Variants in SNTB1 observed in about 807,000 individuals in gnomAD.
SNTB1 encodes the protein beta-1-syntrophin.
Under a neutral mutation model 48.9 loss-of-function variants are expected in SNTB1, and 36 were observed. That is an observed-to-expected ratio of 0.74 (90% CI 0.56 to 0.97). SNTB1 has a LOEUF of 0.97. SNTB1 is among the 50% of genes least tolerant of loss of function. SNTB1 has a pLI of 0.00. For missense variants in SNTB1, 786 were observed against 703.4 expected (o/e 1.12, Z -1.33); for synonymous variants, 299 against 294.6 (o/e 1.01, Z -0.15).
intron 1 of SNTB1, among the ~76,000 whole-genome samples, chr8:120,784,176 T>C (rs2130135901): frequency 6.6e-6 from 1 of 152,186 alleles, no homozygotes; most frequent in East Asian, 1.9e-4. Context: ...GTATTTTTAG[T>C]AGAGACAGGG....
intron 2 of SNTB1, among the ~76,000 whole-genome samples, 189 bp downstream of exon 2, chr8:120,693,503 C>G (rs1166555260): frequency 6.6e-6 from 1 of 152,178 alleles, no homozygotes; most frequent in Non-Finnish European, 1.5e-5. Flanking sequence ...TGTATAGATT[C>G]TCTCTCTCCT....
At chr8:120,658,028 A>C (rs1223471101) in intron 2 of SNTB1, among the ~76,000 whole-genome samples, 6 of 152,224 alleles carry the variant, frequency 3.9e-5, no homozygotes. Flanking sequence ...GTGCTTCAAC[A>C]TAATAACAGT....
intron 4 of SNTB1, among the ~76,000 whole-genome samples, chr8:120,566,448 C>T (rs561031957): frequency 2.0e-5 from 3 of 151,830 alleles, no homozygotes; most frequent in South Asian, 2.1e-4. Flanking sequence ...ACCGAGAACA[C>T]GACTTCACCA....
chr8:120,641,594 T>G (rs1488511758), intron 2 of SNTB1, among the ~76,000 whole-genome samples: 2 of 152,248 alleles, frequency 1.3e-5, no homozygotes, highest in Non-Finnish European at 2.9e-5. Flanking sequence ...GCCCATTTTC[T>G]CCAGGTTTTG....
chr8:120,729,998 A>G (rs1437750205), intron 1 of SNTB1, among the ~76,000 whole-genome samples: 1 of 152,204 alleles, frequency 6.6e-6, no homozygotes, highest in Non-Finnish European at 1.5e-5. Flanking sequence ...GTCTCACTCA[A>G]CATACAACAG....
intron 2 of SNTB1, among the ~76,000 whole-genome samples, chr8:120,687,039 A>G (rs1372718440): frequency 6.6e-6 from 1 of 152,198 alleles, no homozygotes; most frequent in Non-Finnish European, 1.5e-5. Flanking sequence ...TACCTCATAA[A>G]TCTTCATTCT....
chr8:120,694,732 C>T (rs949030765), intron 1 of SNTB1, among the ~76,000 whole-genome samples: 2 of 151,562 alleles, frequency 1.3e-5, no homozygotes, highest in African/African-American at 4.8e-5. Flanking sequence ...TGCTTATATG[C>T]CTACAATTAT....
chr8:120,749,568 A>G (rs1303945870), intron 1 of SNTB1, among the ~76,000 whole-genome samples: 1 of 152,000 alleles, frequency 6.6e-6, no homozygotes, highest in Non-Finnish European at 1.5e-5. Flanking sequence ...GGCTGTCTGT[A>G]TGCTGTGAAG....
At chr8:120,649,916 A>G (rs1817382307) in intron 2 of SNTB1, among the ~76,000 whole-genome samples, 1 of 152,072 alleles carries the variant, frequency 6.6e-6, no homozygotes, top group Non-Finnish European at 1.5e-5. Context: ...TTCGGGTGGG[A>G]GTGACCCGAT....
At chr8:120,757,958 A>T (rs1819346621) in intron 1 of SNTB1, among the ~76,000 whole-genome samples, 1 of 152,172 alleles carries the variant, frequency 6.6e-6, no homozygotes, top group Admixed American at 6.5e-5. Context: ...CTGGAAAGAA[A>T]AGTAGTAACA....
rs1485247537 is a variant in SNTB1, at chr8:120,538,331, C to T, written c.*546G>A. 4 of 233,512 alleles carry T rather than the reference C, an allele frequency of 1.7e-5. No homozygotes were observed. The highest frequency in any genetic ancestry group is 2.7e-5 in the Non-Finnish European group (3 of 112,884). 14.5% of individuals were successfully genotyped at this position (233,512 alleles called of 1,614,324 possible). A position where few individuals can be genotyped will look rare whatever the true frequency, so the allele number is the denominator to read the frequency against. On this transcript the variant is annotated 3_prime_UTR_variant, in exon 7 of 7. Transcript: ENST00000517992. ...TTCATTTTTTAAAAAGTAACAGCTG[C>T]TTCATACTTAAATAAAAGGTGGGTT...
chr8:120,714,227 C>A (rs1818516691), intron 1 of SNTB1, among the ~76,000 whole-genome samples: 1 of 152,180 alleles, frequency 6.6e-6, no homozygotes, highest in Non-Finnish European at 1.5e-5. Flanking sequence ...TTGCCCACCA[C>A]AGAGACAGAA....
chr8:120,786,856 C>T (rs1244079055), intron 1 of SNTB1, among the ~76,000 whole-genome samples: 1 of 152,170 alleles, frequency 6.6e-6, no homozygotes, highest in Non-Finnish European at 1.5e-5. Flanking sequence ...TGTTTGTCCA[C>T]CCGCTTTAGC....
At chr8:120,790,074 C>G (rs950235458) in intron 1 of SNTB1, among the ~76,000 whole-genome samples, 5 of 151,724 alleles carry the variant, frequency 3.3e-5, no homozygotes, top group Admixed American at 6.6e-5. Context: ...GGGATGGAGG[C>G]CTGTTTCAAC....
chr8:120,792,522 G>T (rs1820053995), intron 1 of SNTB1, among the ~76,000 whole-genome samples: 1 of 151,910 alleles, frequency 6.6e-6, no homozygotes, highest in Non-Finnish European at 1.5e-5. Flanking sequence ...AATGGAAGAA[G>T]AAATAATTCA....
At chr8:120,728,739 G>A (rs571599257) in intron 1 of SNTB1, among the ~76,000 whole-genome samples, 24 of 152,186 alleles carry the variant, frequency 1.6e-4, no homozygotes, top group South Asian at 6.2e-4. Flanking sequence ...CCTGTCCACC[G>A]TTCATAGGCA....
chr8:120,601,084 A>G (rs1054126916), intron 3 of SNTB1, among the ~76,000 whole-genome samples: 2 of 152,188 alleles, frequency 1.3e-5, no homozygotes, highest in Admixed American at 6.5e-5. Context: ...GGCTGCCTGG[A>G]GTTATGTCAA....
chr8:120,700,358 A>C (rs1158730457), intron 1 of SNTB1, among the ~76,000 whole-genome samples: 5 of 152,338 alleles, frequency 3.3e-5, no homozygotes, highest in African/African-American at 1.2e-4. Flanking sequence ...TAGAGGGTTT[A>C]ACCTGGCAGA....
At chr8:120,716,377 A>G (rs980542135) in intron 1 of SNTB1, among the ~76,000 whole-genome samples, 3 of 152,234 alleles carry the variant, frequency 2.0e-5, no homozygotes, top group Non-Finnish European at 1.5e-5. Flanking sequence ...TTCACATAAT[A>G]AAATGTTATT....
Sources: allele counts gnomAD v4.1 joint callset (sites outside exome capture counted in the v4.1 genomes callset), GRCh38; gene constraint gnomAD v4.1.1; transcripts MANE v1.5; gene names NCBI Gene and HGNC (gene_info 2026-07-23, HGNC 2026-07-21).